The following SPATA16 variants were observed in gnomAD, a reference collection of about 807,000 sequenced individuals.
The protein encoded by SPATA16 is spermatogenesis-associated protein 16.
Under a neutral mutation model 63.3 loss-of-function variants are expected in SPATA16, and 36 were observed. The ratio of observed to expected loss-of-function variants is 0.57; its 90% CI spans 0.44 to 0.75. The LOEUF (loss-of-function observed/expected upper bound fraction) is 0.75, where lower values mean the gene tolerates loss of function less well. Ranked by LOEUF, SPATA16 falls within the 30% of genes least tolerant of loss-of-function variation. The pLI is 0.00. For synonymous variants in SPATA16, 203 were observed against 216.7 expected (o/e 0.94, Z 0.56); for missense variants, 646 against 679.3 (o/e 0.95, Z 0.54).
intron 3 of SPATA16, among the ~76,000 whole-genome samples, chr3:173,037,263 A>C (rs756974765): frequency 6.6e-6 from 1 of 151,978 alleles, no homozygotes; most frequent in African/African-American, 2.4e-5. Context: ...TGGGTACTAC[A>C]TGTGACTTCT....
chr3:172,998,699 A>AT (rs1352906040), intron 4 of SPATA16, among the ~76,000 whole-genome samples: 1 of 152,128 alleles, frequency 6.6e-6, no homozygotes, highest in Non-Finnish European at 1.5e-5. Context: ...TTTTTAAAAA[A>AT]TGAAGTTTGG....
At chr3:173,022,201 T>C (rs1484008582) in intron 3 of SPATA16, among the ~76,000 whole-genome samples, 4 of 152,080 alleles carry the variant, frequency 2.6e-5, no homozygotes, top group African/African-American at 7.2e-5. Context: ...AAAAATTACT[T>C]GTAATTATAA....
chr3:172,898,154 A>C (rs144968704), intron 10 of SPATA16, among the ~76,000 whole-genome samples: 1 of 152,126 alleles, frequency 6.6e-6, no homozygotes, highest in African/African-American at 2.4e-5. Context: ...TCTATTTGTT[A>C]ATGATGTTAA....
At chr3:173,012,862 A>G (rs1419968762) in intron 4 of SPATA16, among the ~76,000 whole-genome samples, 1 of 152,184 alleles carries the variant, frequency 6.6e-6, no homozygotes, top group Admixed American at 6.5e-5. Context: ...CATTCTAGAC[A>G]TTGGCCTTGG....
At chr3:173,139,946 C>G (rs367575921) in intron 1 of SPATA16, among the ~76,000 whole-genome samples, 9 of 152,120 alleles carry the variant, frequency 5.9e-5, no homozygotes, top group African/African-American at 2.2e-4. Context: ...GAAGGCACCA[C>G]GGCACTCCAG....
intron 2 of SPATA16, among the ~76,000 whole-genome samples, chr3:173,094,987 A>C: frequency 6.6e-6 from 1 of 152,086 alleles, no homozygotes; most frequent in East Asian, 1.9e-4. Flanking sequence ...TTCTATGTAA[A>C]ATTTTATTTG....
chr3:172,970,566 T>G (rs1410047520), intron 5 of SPATA16, among the ~76,000 whole-genome samples: 1 of 152,174 alleles, frequency 6.6e-6, no homozygotes, highest in Non-Finnish European at 1.5e-5. Flanking sequence ...TTTGGGTGAG[T>G]GTCTTTAGTG....
intron 3 of SPATA16, among the ~76,000 whole-genome samples, chr3:173,044,731 G>A (rs562926723): frequency 6.6e-6 from 1 of 152,222 alleles, no homozygotes; most frequent in African/African-American, 2.4e-5. Flanking sequence ...TCTGGATTAT[G>A]ACATATTTCC....
At chr3:172,963,223 A>G (rs1733831372) in intron 5 of SPATA16, among the ~76,000 whole-genome samples, 1 of 152,124 alleles carries the variant, frequency 6.6e-6, no homozygotes, top group South Asian at 2.1e-4. Context: ...TTTTCTTAAT[A>G]TAAAAGAATA....
At chr3:173,075,426 G>A (rs1012109650) in intron 2 of SPATA16, among the ~76,000 whole-genome samples, 1 of 152,020 alleles carries the variant, frequency 6.6e-6, no homozygotes. Flanking sequence ...TCCCACTGCT[G>A]GATAGATACC....
intron 3 of SPATA16, among the ~76,000 whole-genome samples, chr3:173,035,732 G>A (rs9812563): frequency 0.035 from 5,348 of 152,140 alleles, 337 homozygotes; most frequent in African/African-American, 0.12. Context: ...CGTGCAGCCT[G>A]CAAATTTTCT....
At chr3:173,070,952 A>C (rs1465407837) in intron 2 of SPATA16, among the ~76,000 whole-genome samples, 1 of 152,196 alleles carries the variant, frequency 6.6e-6, no homozygotes, top group African/African-American at 2.4e-5. Flanking sequence ...ACAGAAATAT[A>C]AAAAACAATT....
intron 6 of SPATA16, among the ~76,000 whole-genome samples, chr3:172,940,902 G>C (rs1733132314): frequency 6.6e-6 from 1 of 152,148 alleles, no homozygotes; most frequent in Admixed American, 6.5e-5. Context: ...AGAATTGCTT[G>C]AACCCGGGAG....
Position 173,031,246 on chromosome 3 carries a change from TAAAAC to T in SPATA16, c.759-11676_759-11672del, listed in dbSNP as rs1464222179. 2.6e-5 allele frequency among the ~76,000 whole-genome samples: 4 copies of T among 152,026 alleles called. No individual in the cohort carries two copies. The South Asian group carries it at 6.2e-4, about 24-fold the overall frequency. ...TATGTTATGTATATTTTACCACAGTTAAAACGACAACAAAAATAACTGAATGTGGA... is the reference window on the plus strand; with the variant it reads ...TATGTTATGTATATTTTACCACAGTTGACAACAAAAATAACTGAATGTGGA... On this transcript the variant is annotated intron_variant, in intron 3 of 10. Coordinates refer to ENST00000351008, the MANE Select transcript of SPATA16 (RefSeq NM_031955.6).
At chr3:173,010,195 G>C (rs928334089) in intron 4 of SPATA16, among the ~76,000 whole-genome samples, 3 of 152,232 alleles carry the variant, frequency 2.0e-5, no homozygotes, top group Non-Finnish European at 4.4e-5. Flanking sequence ...GCAGCTCTGA[G>C]TTTCTCTGGG....
intron 6 of SPATA16, among the ~76,000 whole-genome samples, chr3:172,936,766 G>A (rs1440503205): frequency 1.3e-5 from 2 of 152,094 alleles, no homozygotes; most frequent in Non-Finnish European, 2.9e-5. Flanking sequence ...GGCATGCAAT[G>A]GCGTGATCTC....
At chr3:172,949,413 G>T (rs534878017) in intron 6 of SPATA16, among the ~76,000 whole-genome samples, 2 of 152,028 alleles carry the variant, frequency 1.3e-5, no homozygotes, top group African/African-American at 4.8e-5. Flanking sequence ...AAGAAAAAAC[G>T]TAACTCTACA....
intron 5 of SPATA16, among the ~76,000 whole-genome samples, chr3:172,966,450 T>C (rs1733921640): frequency 6.6e-6 from 1 of 152,230 alleles, no homozygotes; most frequent in African/African-American, 2.4e-5. Context: ...TGTTGGTTCC[T>C]GGTGTAGGCT....
At chr3:173,123,140 T>A (rs13084292) in intron 1 of SPATA16, among the ~76,000 whole-genome samples, 34,084 of 152,078 alleles carry the variant, frequency 0.22, 4,607 homozygotes, top group African/African-American at 0.38. Context: ...ACAATGTATT[T>A]TAAGAAATGC....
Sources: allele counts gnomAD v4.1 joint callset (sites outside exome capture counted in the v4.1 genomes callset), GRCh38; gene constraint gnomAD v4.1.1; transcripts MANE v1.5; gene names NCBI Gene and HGNC (gene_info 2026-07-23, HGNC 2026-07-21).